Variants in MEGF8 observed in about 807,000 individuals in gnomAD.
MEGF8 encodes multiple epidermal growth factor-like domains protein 8.
A neutral mutation model predicts 302.9 loss-of-function variants in MEGF8; 156 were observed. That is an observed-to-expected ratio of 0.52 (90% CI 0.45 to 0.59). MEGF8 has a LOEUF of 0.59. Ranked by LOEUF, MEGF8 falls within the 20% of genes least tolerant of loss-of-function variation. The probability of loss-of-function intolerance (pLI) is 0.00; values close to 1 mark genes in which losing one functional copy is unlikely to be tolerated. For synonymous variants in MEGF8, 1,621 were observed against 1,660.5 expected, an observed-to-expected ratio of 0.98 and a Z score of 0.58; for missense variants, 3,345 against 3,964.5, an observed-to-expected ratio of 0.84 and a Z score of 4.20.
rs3745234 is a variant in MEGF8, at chr19:42,354,639, G to A, written c.4063G>A (p.Val1355Ile). The change falls in exon 23 of 42, where the codon GTT becomes ATT. Residue 1355 changes from valine (V) to isoleucine (I), a missense_variant. By Grantham distance (29) the Val-to-Ile change is conservative. Transcript: ENST00000251268. The surrounding 1 kb of genome is among the most constrained non-coding windows in gnomAD (Gnocchi z 4.3). ...DGFPRFLDTG[V>I]VQSDRSLIAA... Reference sequence around the variant, plus strand: ...ATTCCCACGCTTCCTGGACACTGGTGTTGTCCAGTCGGACCGCAGCCTCAT... The same window carrying A: ...ATTCCCACGCTTCCTGGACACTGGTATTGTCCAGTCGGACCGCAGCCTCAT... 207 of 1,612,950 alleles carry A rather than the reference G, an allele frequency of 1.3e-4. 1 individual carries two copies. The East Asian group carries it at 4.4e-3, about 34-fold the overall frequency.
In MEGF8 at chr19:42,333,163, G is replaced by T. The variant is rs554407248; in HGVS notation, c.188-442G>T. Among the ~76,000 whole-genome samples, 13 of 152,326 alleles carry T rather than the reference G, an allele frequency of 8.5e-5. No individual in the cohort carries two copies. In the South Asian group the frequency reaches 2.7e-3, roughly 32 times the overall value. On this transcript the variant is annotated intron_variant, in intron 1 of 41. Coordinates refer to ENST00000251268, the MANE Select transcript of MEGF8 (RefSeq NM_001271938.2). ...CTCTATTCAGCGTGGGCCAGGGGTGGTGTCACGGAGGTGCTCTTCTCACTG... is the reference window on the plus strand; with the variant it reads ...CTCTATTCAGCGTGGGCCAGGGGTGTTGTCACGGAGGTGCTCTTCTCACTG...
chr19:42,368,720 A>G lies in MEGF8; in HGVS notation c.6481+58A>G. On this transcript the variant is annotated intron_variant, in intron 36 of 41. Transcript: ENST00000251268. The surrounding 1 kb of genome is among the most constrained non-coding windows in gnomAD (Gnocchi z 4.9). ...CTGGCCCTTGGTTGGGGTCTGATAC[A>G]GTGAACATAGGGATACTGGGCCAGA... 6.5e-7 allele frequency: 1 copy of G among 1,541,040 alleles called. No homozygotes were observed. Among genetic ancestry groups the G allele is most frequent in the South Asian group, 1.2e-5 (1 of 80,304 alleles).
chr19:42,351,562 T>C lies in MEGF8; in HGVS notation c.2987+2T>C. On this transcript the variant is annotated splice_donor_variant, in intron 17 of 41. Coordinates refer to ENST00000251268, the MANE Select transcript of MEGF8 (RefSeq NM_001271938.2). LOFTEE classifies it high-confidence loss of function. This position sits in a 1 kb window ranked among gnomAD's most constrained non-coding sequence, Gnocchi z 5.6. ...GGGCTGTCGAGGCTGGGACGACAGG[T>C]ATGGTCCCTGGGGCAGGGCTAACAG... 6.2e-7 allele frequency: 1 copy of C among 1,607,772 alleles called. No homozygotes were observed. Among genetic ancestry groups the C allele is most frequent in the Non-Finnish European group, 8.5e-7 (1 of 1,177,514 alleles).
rs764849283 is a variant in MEGF8 at position 42,326,217 on chromosome 19, C to A, written c.-27C>A. 1.3e-6 allele frequency: 2 copies of A among 1,483,258 alleles called. No homozygotes were observed. The highest frequency in any genetic ancestry group is 1.8e-6 in the Non-Finnish European group (2 of 1,125,664). The allele number at this position is 1,483,258 out of a possible 1,614,324, so 91.9% of individuals were successfully genotyped here. A position where few individuals can be genotyped will look rare whatever the true frequency, so the allele number is the denominator to read the frequency against. On this transcript the variant is annotated 5_prime_UTR_variant, in exon 1 of 42. Transcript: ENST00000251268. The stretch of plus-strand genomic sequence containing the variant: ...TCCAGGTTTTTACGGCCTGTCCCCG[C>A]TCTAAGGGTCAGTGCAGGAGGCGGC...
intron 39 of MEGF8, 126 bp downstream of exon 39, chr19:42,370,485 T>C (rs2039670221): frequency 1.1e-5 from 11 of 972,088 alleles, no homozygotes; most frequent in Non-Finnish European, 1.6e-5. Context: ...GAGGCCTGGA[T>C]TCCTGGGTCT....
rs1482143922 is a variant in MEGF8 at position 42,374,566 on chromosome 19, G to A, written c.7270-941G>A. On this transcript the variant is annotated intron_variant, in intron 41 of 41. Coordinates refer to ENST00000251268, the MANE Select transcript of MEGF8 (RefSeq NM_001271938.2). ...CCTGGTCTGATCTCAGAACTTGAGT[G>A]GTTTCCACTAAGCCACAGGAATCAT... Among the ~76,000 whole-genome samples the A allele has an allele frequency of 2.0e-5, 3 of 151,926 alleles. No individual in the cohort carries two copies. In the East Asian group the frequency reaches 5.8e-4, roughly 29 times the overall value.
rs1372930162 is a variant in MEGF8, at chr19:42,375,073, A to G, written c.7270-434A>G. ...GCTGACCCTGCGCCGAGTGCCATGCACATGATCTCAGTGGTCCTGTGAGCG... is the reference window on the plus strand; with the variant it reads ...GCTGACCCTGCGCCGAGTGCCATGCGCATGATCTCAGTGGTCCTGTGAGCG... On this transcript the variant is annotated intron_variant, in intron 41 of 41. Coordinates refer to ENST00000251268, the MANE Select transcript of MEGF8 (RefSeq NM_001271938.2). The surrounding 1 kb of genome is among the most constrained non-coding windows in gnomAD (Gnocchi z 7.1). 1.3e-5 allele frequency among the ~76,000 whole-genome samples: 2 copies of G among 152,076 alleles called. No homozygotes were observed. The highest frequency in any genetic ancestry group is 2.9e-5 in the Non-Finnish European group (2 of 68,014).
In MEGF8 at chr19:42,356,712, G is replaced by A. The variant is rs182507342; in HGVS notation, c.4623-62G>A. 3.9e-3 allele frequency: 5,733 copies of A among 1,474,270 alleles called. 26 individuals carry two copies. The highest frequency in any genetic ancestry group is 4.6e-3 in the Non-Finnish European group (4,994 of 1,097,096). The allele number at this position is 1,474,270 out of a possible 1,614,324, so 91.3% of individuals were successfully genotyped here. A position where few individuals can be genotyped will look rare whatever the true frequency, so the allele number is the denominator to read the frequency against. Reference sequence around the variant, plus strand: ...GGATGCGGGGACATCTGTCAGGCAGGGTCACCTTGAAGGATGCTGGGATGA... The same window carrying A: ...GGATGCGGGGACATCTGTCAGGCAGAGTCACCTTGAAGGATGCTGGGATGA... On this transcript the variant is annotated intron_variant, in intron 26 of 41. Coordinates refer to ENST00000251268, the MANE Select transcript of MEGF8 (RefSeq NM_001271938.2). This position sits in a 1 kb window ranked among gnomAD's most constrained non-coding sequence, Gnocchi z 5.2.
rs1429485512 is a variant in MEGF8, at chr19:42,362,441, C to T, written c.5902C>T (p.Arg1968Cys). The T allele has an allele frequency of 3.1e-6, 5 of 1,613,984 alleles. No homozygotes were observed. Among genetic ancestry groups the T allele is most frequent in the Admixed American group, 1.7e-5 (1 of 60,028 alleles). The change falls in exon 34 of 42, where the codon CGC becomes TGC. Residue 1968 changes from arginine to cysteine, a missense_variant. By Grantham distance (180) the Arg-to-Cys change is radical. Coordinates refer to ENST00000251268, the MANE Select transcript of MEGF8 (RefSeq NM_001271938.2). ...CTGCCCCGAAGGTGCTTGCATTGGA[C>T]GCAATGGGTCCTGCACCTCTGAGAA... ...TNCPEGACIG[R>C]NGSCTSENDC...
chr19:42,352,902 T>C lies in MEGF8; in HGVS notation c.3351-26T>C. On this transcript the variant is annotated intron_variant, in intron 19 of 41. Transcript: ENST00000251268. The surrounding 1 kb of genome is among the most constrained non-coding windows in gnomAD (Gnocchi z 4.4). ...GGGGCTCTGGGCCTGCCTGGCGCTT[T>C]CCCCACCCCCAACACGGCCCCTCAG... 1 of 1,545,358 alleles carries C rather than the reference T, an allele frequency of 6.5e-7. No individual in the cohort carries two copies. Among genetic ancestry groups the C allele is most frequent in the Non-Finnish European group, 8.8e-7 (1 of 1,137,962 alleles).
At chr19:42,346,790 C>G (rs554284989) in intron 12 of MEGF8, among the ~76,000 whole-genome samples, 56 of 152,094 alleles carry the variant, frequency 3.7e-4, no homozygotes, top group African/African-American at 1.2e-3. Context: ...CGAGACCGTC[C>G]TGGCTAACAC....
intron 23 of MEGF8, 26 bp from the exon 24 acceptor site, chr19:42,355,732 C>T (rs1465898074): frequency 5.2e-6 from 8 of 1,541,426 alleles, no homozygotes; most frequent in Non-Finnish European, 7.0e-6. Flanking sequence ...GACTTTGCTA[C>T]CAGCCTCTGG....
At chr19:42,333,968 G>C (rs1251289920) in intron 2 of MEGF8, 39 bp from the exon 3 acceptor site, 1 of 1,590,520 alleles carries the variant, frequency 6.3e-7, no homozygotes, top group South Asian at 1.1e-5. Flanking sequence ...ACAATCCCCA[G>C]GCCCTGCCCA....
chr19:42,373,790 G>T (rs370682744), intron 41 of MEGF8, among the ~76,000 whole-genome samples: 9 of 140,844 alleles, frequency 6.4e-5, no homozygotes, highest in Admixed American at 3.1e-4. Flanking sequence ...ATAGTTCACT[G>T]CAGCCTTGAA....
At chr19:42,363,291 G>A (rs1249790553) in intron 35 of MEGF8, 29 bp downstream of exon 35, 1 of 1,554,706 alleles carries the variant, frequency 6.4e-7, no homozygotes, top group African/African-American at 1.4e-5. Flanking sequence ...ACCGTGCCAG[G>A]CAAGGGCCCG....
In MEGF8 at chr19:42,362,440, A is replaced by G; in HGVS notation, c.5901A>G (p.Gly1967=). The G allele has an allele frequency of 1.2e-6, 2 of 1,613,966 alleles. No individual in the cohort carries two copies. Among genetic ancestry groups the G allele is most frequent in the Non-Finnish European group, 1.7e-6 (2 of 1,179,880 alleles). ...CTNCPEGACI[G]RNGSCTSEND... The stretch of plus-strand genomic sequence containing the variant: ...ACTGCCCCGAAGGTGCTTGCATTGG[A>G]CGCAATGGGTCCTGCACCTCTGAGA... The change falls in exon 34 of 42, where the codon GGA becomes GGG. Residue 1967 remains glycine, a synonymous_variant. Transcript: ENST00000251268.
At chr19:42,329,597 C>T (rs2039029274) in intron 1 of MEGF8, among the ~76,000 whole-genome samples, 1 of 152,182 alleles carries the variant, frequency 6.6e-6, no homozygotes, top group Admixed American at 6.5e-5. Context: ...GGCAGTGGCA[C>T]ATGCCTGTAA....
At chr19:42,366,842 A>G (rs902280797) in intron 35 of MEGF8, among the ~76,000 whole-genome samples, 1 of 152,166 alleles carries the variant, frequency 6.6e-6, no homozygotes, top group Non-Finnish European at 1.5e-5. Context: ...AGATTGTCCC[A>G]CCATCTGCCA....
Position 42,369,146 on chromosome 19 carries a change from C to G in MEGF8, c.6641+144C>G. On this transcript the variant is annotated intron_variant, in intron 37 of 41. Coordinates refer to ENST00000251268, the MANE Select transcript of MEGF8 (RefSeq NM_001271938.2). The surrounding 1 kb of genome is among the most constrained non-coding windows in gnomAD (Gnocchi z 5.7). ...GGCAGTGGGATTGATTCCTGAAGGT[C>G]AAGAGTGGTGAGGCTGAGCAGGGAA... 1 of 1,155,416 alleles carries G rather than the reference C, an allele frequency of 8.7e-7. No homozygotes were observed. The highest frequency in any genetic ancestry group is 1.2e-6 in the Non-Finnish European group (1 of 837,370). The allele number at this position is 1,155,416 out of a possible 1,614,324, so 71.6% of individuals were successfully genotyped here. A position where few individuals can be genotyped will look rare whatever the true frequency, so the allele number is the denominator to read the frequency against.
Sources: gnomAD v4.1 joint callset for allele counts (sites outside exome capture counted in the v4.1 genomes callset) on GRCh38, gnomAD v4.1.1 for gene constraint, Gnocchi (gnomAD v3.1) non-coding constraint, MANE v1.5 for transcripts, NCBI Gene and HGNC (gene_info 2026-07-23, HGNC 2026-07-21) for gene names.